Variants in THNSL1 observed in about 807,000 individuals in gnomAD.
THNSL1 encodes the protein threonine synthase like 1, also known as threonine synthase-like 1.
In THNSL1, 48 loss-of-function variants were observed where a neutral mutation model predicts 50.4. The observed-to-expected ratio is 0.95, with a 90% CI of 0.76 to 1.21. THNSL1 has a LOEUF of 1.21. THNSL1 is among the 50% of genes most tolerant of loss of function. THNSL1 has a pLI of 0.00. For synonymous variants in THNSL1, 309 were observed against 306.1 expected (o/e 1.01, Z -0.10); for missense variants, 896 against 871.7 (o/e 1.03, Z -0.35).
chr10:24,967,994 GATGT>G, the THNSL1 span, among the ~76,000 whole-genome samples: 7 of 126,256 alleles, frequency 5.5e-5, no homozygotes, highest in Admixed American at 5.7e-4. Flanking sequence ...ATATGTGTAT[GATGT>G]GTGTGTGTGT....
chr10:24,953,073 G>C, the THNSL1 span, among the ~76,000 whole-genome samples: 1 of 152,022 alleles, frequency 6.6e-6, no homozygotes, highest in African/African-American at 2.4e-5. Flanking sequence ...ATTGTCCCAA[G>C]CAGAAGCGTG....
At chr10:25,011,994 C>T (rs1407919116), upstream of THNSL1, among the ~76,000 whole-genome samples, 1 of 152,218 alleles carries the variant, frequency 6.6e-6, no homozygotes, top group African/African-American at 2.4e-5. Flanking sequence ...GGCCCAGGGC[C>T]TTGCTGCTTT....
chr10:24,978,698 T>C, the THNSL1 span, among the ~76,000 whole-genome samples: 1 of 152,188 alleles, frequency 6.6e-6, no homozygotes, highest in Non-Finnish European at 1.5e-5. Context: ...ATGATGTTCT[T>C]GGGTTGATAT....
At chr10:25,012,504 C>A (rs571048123), upstream of THNSL1, among the ~76,000 whole-genome samples, 1 of 152,324 alleles carries the variant, frequency 6.6e-6, no homozygotes, top group South Asian at 2.1e-4. Context: ...ACCATAGGAT[C>A]CCACCTCTTG....
chr10:25,011,310 C>A, the THNSL1 span, among the ~76,000 whole-genome samples: 5 of 151,872 alleles, frequency 3.3e-5, no homozygotes, highest in East Asian at 3.9e-4. Flanking sequence ...TTTTCTTGTA[C>A]ATTTGTTTGA....
the THNSL1 span, among the ~76,000 whole-genome samples, chr10:24,965,328 C>T: frequency 6.6e-6 from 1 of 152,198 alleles, no homozygotes; most frequent in African/African-American, 2.4e-5. Flanking sequence ...TTCCGCGTTT[C>T]CTCCTTTTCC....
chr10:25,013,242 G>C (rs1320756235), upstream of THNSL1, among the ~76,000 whole-genome samples: 2 of 152,160 alleles, frequency 1.3e-5, no homozygotes, highest in African/African-American at 2.4e-5. Flanking sequence ...CGTGAGAACA[G>C]ACTAATATAC....
the THNSL1 span, among the ~76,000 whole-genome samples, chr10:24,992,195 G>A: frequency 2.0e-5 from 3 of 152,334 alleles, no homozygotes; most frequent in South Asian, 6.2e-4. Context: ...AATAAAAAAG[G>A]CAAAGTTTCC....
In THNSL1 at chr10:25,024,616, T is replaced by G. The variant is rs766405163; in HGVS notation, c.1393T>G (p.Leu465Val). Residue 465 changes from leucine to valine, a missense_variant, in exon 3 of 3, where the codon TTA (leucine) becomes GTA (valine). By Grantham distance (32) the Leu-to-Val change is conservative. Transcript: ENST00000376356. ...GFLTVEYGTI[L>V]SSANSINWGR... ...TCTTACTGTGGAATATGGAACAATC[T>G]TAAGTTCGGCTAACTCCATAAACTG... is the stretch of plus-strand genomic sequence containing the variant. 1 of 1,614,228 alleles carries G rather than the reference T, an allele frequency of 6.2e-7. No homozygotes were observed.
intron 2 of THNSL1, among the ~76,000 whole-genome samples, chr10:25,022,265 G>A (rs1358361409): frequency 1.3e-5 from 2 of 152,126 alleles, no homozygotes; most frequent in Non-Finnish European, 1.5e-5. Context: ...AGCTTCTTTG[G>A]ATGCCAGAAT....
chr10:24,981,533 G>T, the THNSL1 span, among the ~76,000 whole-genome samples: 13 of 152,250 alleles, frequency 8.5e-5, no homozygotes, highest in African/African-American at 3.1e-4. Context: ...AGATTTTATG[G>T]GTGTGGGAAA....
Position 25,025,725 on chromosome 10 carries a change from C to T in THNSL1, c.*270C>T, listed in dbSNP as rs74122933. 4,347 of 371,180 alleles carry T rather than the reference C, an allele frequency of 0.012. 162 individuals carry two copies. The highest frequency in any genetic ancestry group is 0.083 in the African/African-American group (3,990 of 48,274). The allele number at this position is 371,180 out of a possible 1,614,324, so 23.0% of individuals were successfully genotyped here. A position where few individuals can be genotyped will look rare whatever the true frequency, so the allele number is the denominator to read the frequency against. ...CTCATGAGGGGTGTATCAATTTCCA[C>T]TCCCACACCCTCACTGTTATGTGGA... On this transcript the variant is annotated 3_prime_UTR_variant, in exon 3 of 3. Transcript: ENST00000376356.
chr10:24,963,522 C>T, the THNSL1 span, among the ~76,000 whole-genome samples: 1 of 152,180 alleles, frequency 6.6e-6, no homozygotes, highest in Non-Finnish European at 1.5e-5. Context: ...TGTTATTATT[C>T]AGGAACCTCT....
chr10:24,953,979 G>A, the THNSL1 span, among the ~76,000 whole-genome samples: 3 of 152,112 alleles, frequency 2.0e-5, no homozygotes, highest in Admixed American at 6.5e-5. Flanking sequence ...TACAGAAATG[G>A]GGGGTGTTGT....
the THNSL1 span, among the ~76,000 whole-genome samples, chr10:25,007,905 A>C: frequency 6.6e-6 from 1 of 151,426 alleles, no homozygotes; most frequent in Non-Finnish European, 1.5e-5. Flanking sequence ...TCAACCACAT[A>C]GTTTTCCAGG....
chr10:24,998,275 TTTC>T, the THNSL1 span, among the ~76,000 whole-genome samples: 233 of 151,738 alleles, frequency 1.5e-3, no homozygotes, highest in East Asian at 7.8e-3. Context: ...TCGTTTCTTT[TTTC>T]TTTTCTTTTC....
At chr10:25,011,469 A>C in the THNSL1 span, among the ~76,000 whole-genome samples, 2 of 152,184 alleles carry the variant, frequency 1.3e-5, no homozygotes, top group African/African-American at 4.8e-5. Context: ...CCTGAGAAAA[A>C]CAAGCAATAG....
At chr10:25,016,030 T>A, upstream of THNSL1, 1 of 1,507,400 alleles carries the variant, frequency 6.6e-7, no homozygotes, top group Non-Finnish European at 8.9e-7. Flanking sequence ...CCCCTTTCTT[T>A]CTTCTTCGCC....
At chr10:24,963,559 G>A in the THNSL1 span, among the ~76,000 whole-genome samples, 2 of 152,136 alleles carry the variant, frequency 1.3e-5, no homozygotes, top group African/African-American at 4.8e-5. Flanking sequence ...AACCTGGAAC[G>A]TACAGTTCTG....
Sources: allele counts gnomAD v4.1 joint callset (sites outside exome capture counted in the v4.1 genomes callset), GRCh38; gene constraint gnomAD v4.1.1; transcripts MANE v1.5; gene names NCBI Gene and HGNC (gene_info 2026-07-23, HGNC 2026-07-21).